EPHX4: variants seen among roughly 807,000 people sequenced by gnomAD.
The protein encoded by EPHX4 is epoxide hydrolase 4, also known as abhydrolase domain containing 7.
A neutral mutation model predicts 44.9 loss-of-function variants in EPHX4; 31 were observed. The observed-to-expected ratio is 0.69, with a 90% confidence interval of 0.52 to 0.93. The LOEUF is 0.93. Ranked by LOEUF, EPHX4 falls within the 40% of genes least tolerant of loss-of-function variation. The probability of loss-of-function intolerance (pLI) is 0.00; values close to 1 mark genes in which losing one functional copy is unlikely to be tolerated. For synonymous variants in EPHX4, 151 were observed against 159.7 expected (o/e 0.95, Z 0.41); for missense variants, 373 against 438.1 (o/e 0.85, Z 1.33).
At chr1:92,039,813 C>T (rs1688485422) in intron 2 of EPHX4, among the ~76,000 whole-genome samples, 1 of 152,018 alleles carries the variant, frequency 6.6e-6, no homozygotes, top group Non-Finnish European at 1.5e-5. Flanking sequence ...GCCACCACGC[C>T]TGGCTAATTT....
intron 2 of EPHX4, among the ~76,000 whole-genome samples, chr1:92,037,802 G>A (rs574657298): frequency 6.6e-6 from 1 of 152,266 alleles, no homozygotes; most frequent in African/African-American, 2.4e-5. Flanking sequence ...ATTACCTAAA[G>A]CTACCAGAAA....
intron 2 of EPHX4, 99 bp from the exon 3 acceptor site, chr1:92,042,724 C>CAA (rs66834073): frequency 0.042 from 28,376 of 682,484 alleles, 13 homozygotes; most frequent in Non-Finnish European, 0.045. Flanking sequence ...AACTCTGTCT[C>CAA]AAAAAAAAAA....
chr1:92,046,211 A>T (rs924096367), intron 4 of EPHX4, among the ~76,000 whole-genome samples: 4 of 152,238 alleles, frequency 2.6e-5, no homozygotes, highest in African/African-American at 9.6e-5. Context: ...AACATAAATA[A>T]CATATTTTAA....
chr1:92,050,033 AGGTT>A, intron 4 of EPHX4, among the ~76,000 whole-genome samples: 1 of 152,108 alleles, frequency 6.6e-6, no homozygotes, highest in Non-Finnish European at 1.5e-5. Context: ...CAGGAGGCAG[AGGTT>A]ATAGTGAGCT....
chr1:92,038,676 C>T (rs781146017), intron 2 of EPHX4, among the ~76,000 whole-genome samples: 32 of 151,888 alleles, frequency 2.1e-4, no homozygotes, highest in Admixed American at 3.3e-4. Context: ...GAAAAGGAGA[C>T]GCCTAATGTG....
At position 92,030,236 on chromosome 1, in the gene EPHX4, C is replaced by T; in HGVS notation, c.157C>T (p.Arg53Trp). The change falls in exon 1 of 7, where the codon CGG becomes TGG. Residue 53 changes from arginine (R) to tryptophan (W), a missense_variant. By Grantham distance (101) the Arg-to-Trp change is moderately radical (BLOSUM62 -3). Transcript: ENST00000370383. ...LGKGPAQTFR[R>W]PAREHPPACL... ...CAAGGGGCCGGCGCAGACCTTCCGG[C>T]GGCCCGCCCGGGAGCACCCTCCCGC... 2.5e-6 allele frequency: 4 copies of T among 1,602,892 alleles called. No individual in the cohort carries two copies. Among genetic ancestry groups the T allele is most frequent in the Non-Finnish European group, 3.4e-6 (4 of 1,174,958 alleles).
intron 6 of EPHX4, among the ~76,000 whole-genome samples, chr1:92,053,978 G>A (rs1286057136): frequency 6.6e-6 from 1 of 152,112 alleles, no homozygotes; most frequent in Non-Finnish European, 1.5e-5. Flanking sequence ...CATATTGTCT[G>A]GGGAGAAAGT....
chr1:92,045,382 G>A (rs1228451636), intron 3 of EPHX4, 150 bp from the exon 4 acceptor site: 15 of 905,952 alleles, frequency 1.7e-5, no homozygotes, highest in Non-Finnish European at 2.5e-5. Flanking sequence ...GACAAGTTTT[G>A]GAACCACTGA....
rs370979230 is a variant in EPHX4, at chr1:92,052,006, A to G, written c.709-504A>G. Among the ~76,000 whole-genome samples, 11 of 152,334 alleles carry G rather than the reference A, an allele frequency of 7.2e-5. No homozygotes were observed. In the South Asian group the frequency reaches 2.3e-3, roughly 32 times the overall value. On this transcript the variant is annotated intron_variant, in intron 5 of 6. Coordinates refer to ENST00000370383, the MANE Select transcript of EPHX4 (RefSeq NM_173567.5). ...TTACAAACAACTTTTAGAGTAATGAATATATATTTGATATATATCAGTCAG... is the reference window on the plus strand; with the variant it reads ...TTACAAACAACTTTTAGAGTAATGAGTATATATTTGATATATATCAGTCAG...
At chr1:92,042,778 G>A (rs776008323) in intron 2 of EPHX4, 45 bp from the exon 3 acceptor site, 1 of 1,171,566 alleles carries the variant, frequency 8.5e-7, no homozygotes, top group Admixed American at 2.1e-5. Context: ...GTTACTGTTT[G>A]TACTAGCTAA....
intron 6 of EPHX4, among the ~76,000 whole-genome samples, chr1:92,061,795 A>G (rs1410960828): frequency 6.6e-6 from 1 of 152,244 alleles, no homozygotes; most frequent in Non-Finnish European, 1.5e-5. Context: ...TAAATTGTCT[A>G]TATTGCATTA....
chr1:92,052,420 A>C, intron 5 of EPHX4, 90 bp from the exon 6 acceptor site: 1 of 1,273,208 alleles, frequency 7.9e-7, no homozygotes, highest in Non-Finnish European at 1.1e-6. Flanking sequence ...GTCACCACAC[A>C]ATGACCACCA....
At chr1:92,054,977 A>G (rs970938120) in intron 6 of EPHX4, among the ~76,000 whole-genome samples, 2 of 152,168 alleles carry the variant, frequency 1.3e-5, no homozygotes, top group Non-Finnish European at 2.9e-5. Context: ...ATAGAATTAG[A>G]AATTGCGTAT....
intron 6 of EPHX4, among the ~76,000 whole-genome samples, chr1:92,056,455 T>C (rs989543419): frequency 6.6e-6 from 1 of 152,020 alleles, no homozygotes; most frequent in Admixed American, 6.6e-5. Flanking sequence ...TGTGACAGTC[T>C]TACAAGAAAA....
chr1:92,054,238 T>A (rs1647317418), intron 6 of EPHX4, among the ~76,000 whole-genome samples: 1 of 152,084 alleles, frequency 6.6e-6, no homozygotes, highest in South Asian at 2.1e-4. Flanking sequence ...CCAGGATACA[T>A]CTCAATTCAG....
chr1:92,055,897 A>G (rs72954787), intron 6 of EPHX4, among the ~76,000 whole-genome samples: 2,813 of 152,218 alleles, frequency 0.018, 50 homozygotes, highest in African/African-American at 0.042. Context: ...GAGGGAAAAT[A>G]TTCTCATCTT....
intron 2 of EPHX4, among the ~76,000 whole-genome samples, chr1:92,037,062 A>C (rs1688449215): frequency 6.6e-6 from 1 of 152,188 alleles, no homozygotes; most frequent in Admixed American, 6.5e-5. Context: ...GGCCAAAAAA[A>C]CTTCATGCAT....
chr1:92,030,030 T>C lies in EPHX4; in HGVS notation c.-50T>C. Reference sequence around the variant, plus strand: ...GGGCTGGCCTGGCGCGCTGCGGCGCTCGCTCACCCGCTCCCGAGGAAGGGC... The same window carrying C: ...GGGCTGGCCTGGCGCGCTGCGGCGCCCGCTCACCCGCTCCCGAGGAAGGGC... On this transcript the variant is annotated 5_prime_UTR_variant, in exon 1 of 7. Coordinates refer to ENST00000370383, the MANE Select transcript of EPHX4 (RefSeq NM_173567.5). 1 of 1,381,784 alleles carries C rather than the reference T, an allele frequency of 7.2e-7. No individual in the cohort carries two copies. The highest frequency in any genetic ancestry group is 1.5e-5 in the South Asian group (1 of 65,650). The allele number at this position is 1,381,784 out of a possible 1,614,324, so 85.6% of individuals were successfully genotyped here.
rs1338458917 is a variant in EPHX4, at chr1:92,032,558, T to A, written c.285T>A (p.Leu95=). ...YVAAGERGKP[L]MLLLHGFPEF... is the part of the protein sequence containing the mutation. ...CTGCTGGAGAAAGAGGCAAACCACT[T>A]ATGCTGCTGCTTCATGGATTTCCAG... The change falls in exon 2 of 7, where the codon CTT becomes CTA. Residue 95 remains leucine, a synonymous_variant. Coordinates refer to ENST00000370383, the MANE Select transcript of EPHX4 (RefSeq NM_173567.5). 1.2e-6 allele frequency: 2 copies of A among 1,614,042 alleles called. No homozygotes were observed. Among genetic ancestry groups the A allele is most frequent in the East Asian group, 4.5e-5 (2 of 44,892 alleles).
Sources: gnomAD v4.1 joint callset for allele counts (sites outside exome capture counted in the v4.1 genomes callset) on GRCh38, gnomAD v4.1.1 for gene constraint, MANE v1.5 for transcripts, NCBI Gene and HGNC (gene_info 2026-07-23, HGNC 2026-07-21) for gene names.